The following FLNC variants were observed in gnomAD, a reference collection of about 807,000 sequenced individuals.
The protein encoded by FLNC is filamin C, also known as filamin-C.
Under a neutral mutation model 254.3 loss-of-function variants are expected in FLNC, and 91 were observed. The ratio of observed to expected loss-of-function variants is 0.36; its 90% confidence interval spans 0.30 to 0.43. The LOEUF is 0.43. FLNC is among the 20% of genes least tolerant of loss of function. The pLI is 1.00. For synonymous variants in FLNC, 1,430 were observed against 1,577.2 expected, an observed-to-expected ratio of 0.91 and a Z score of 2.21; for missense variants, 2,853 against 3,802.6, an observed-to-expected ratio of 0.75 and a Z score of 6.57.
chr7:128,835,427 G>A lies in FLNC; in HGVS notation c.454G>A (p.Asp152Asn). The change falls in exon 2 of 48, where the codon GAT (aspartate) becomes AAT (asparagine). Residue 152 changes from aspartate (D) to asparagine (N), a missense_variant. Asp to Asn is a conservative substitution (Grantham distance 23, BLOSUM62 1). Coordinates refer to ENST00000325888, the MANE Select transcript of FLNC (RefSeq NM_001458.5). The surrounding 1 kb of genome is among the most constrained non-coding windows in gnomAD (Gnocchi z 5.3). Reference sequence around the variant, plus strand: ...CTCCATGCCCATGTGGGAGGATGAAGATGATGAGGATGCCCGCAAACAGAC... The same window carrying A: ...CTCCATGCCCATGTGGGAGGATGAAAATGATGAGGATGCCCGCAAACAGAC... ...SISMPMWEDE[D>N]DEDARKQTPK... 2 of 1,614,150 alleles carry A rather than the reference G, an allele frequency of 1.2e-6. No homozygotes were observed. The highest frequency in any genetic ancestry group is 1.7e-6 in the Non-Finnish European group (2 of 1,180,044).
At chr7:128,833,033 G>C (rs537714157) in intron 1 of FLNC, among the ~76,000 whole-genome samples, 12 of 152,206 alleles carry the variant, frequency 7.9e-5, no homozygotes, top group Non-Finnish European at 1.5e-4. Context: ...CTCTTTCCAG[G>C]AGGGAAGTCA....
chr7:128,840,513 C>T (rs1485315542), intron 9 of FLNC, 35 bp from the exon 10 acceptor site: 8 of 1,613,966 alleles, frequency 5.0e-6, no homozygotes, highest in Non-Finnish European at 5.9e-6. Flanking sequence ...GGATATTGAT[C>T]TGCCTTCTTC....
chr7:128,833,223 T>C (rs1807963628), intron 1 of FLNC, among the ~76,000 whole-genome samples: 1 of 152,192 alleles, frequency 6.6e-6, no homozygotes, highest in African/African-American at 2.4e-5. Context: ...CCAGTTGCTA[T>C]TCCTTCTCCT....
rs1808555164 is a variant in FLNC at position 128,846,130 on chromosome 7, A to G, written c.3931A>G (p.Thr1311Ala). The G allele has an allele frequency of 6.2e-7, 1 of 1,613,890 alleles. No homozygotes were observed. Among genetic ancestry groups the G allele is most frequent in the Non-Finnish European group, 8.5e-7 (1 of 1,179,978 alleles). ...CTATGTGACAGACAATGGGGACGGC[A>G]CCTACCGAGTGCAGTACACCGCCTA... ...DTYVTDNGDGTYRVQYTAYEE... is the reference protein window; with the variant it reads ...DTYVTDNGDGAYRVQYTAYEE... Residue 1311 changes from threonine (T) to alanine (A), a missense_variant, in exon 22 of 48, where the codon ACC becomes GCC. Physicochemically the swap from Thr to Ala is moderately conservative, Grantham distance 58 (BLOSUM62 0). Around this residue, in one of 10 missense-constraint regions of FLNC, gnomAD observed 1,573 missense variants for 1,883.5 expected, o/e 0.84. Coordinates refer to ENST00000325888, the MANE Select transcript of FLNC (RefSeq NM_001458.5).
At chr7:128,855,134 G>T in intron 42 of FLNC, 65 bp from the exon 43 acceptor site, 2 of 1,220,726 alleles carry the variant, frequency 1.6e-6, no homozygotes, top group Non-Finnish European at 2.4e-6. Context: ...TAAGGCCAGG[G>T]TGGGGAGGCT....
chr7:128,838,675 T>C lies in FLNC; in HGVS notation c.1283T>C (p.Leu428Pro). ...QGRRDTVEVA[L>P]EDKGDSTFRC... ...CGGCGGGACACAGTGGAGGTGGCCC[T>C]GGAGGACAAGGGTGACAGCACGTTC... Residue 428 changes from leucine to proline, a missense_variant, in exon 8 of 48, where the codon CTG becomes CCG. Physicochemically the swap from Leu to Pro is moderately conservative, Grantham distance 98. This residue lies in a region of FLNC where 1,573 missense variants were observed against 1,883.5 expected (regional missense o/e 0.84). Coordinates refer to ENST00000325888, the MANE Select transcript of FLNC (RefSeq NM_001458.5). 6.2e-7 allele frequency: 1 copy of C among 1,613,028 alleles called. No homozygotes were observed. The highest frequency in any genetic ancestry group is 8.5e-7 in the Non-Finnish European group (1 of 1,179,990).
rs1563002254 is a variant in FLNC at position 128,852,657 on chromosome 7, C to T, written c.5909C>T (p.Thr1970Ile). Reference sequence around the variant, plus strand: ...TCCACGGACGTGTCACTGAAGATCACCGAGAGTGATCTGAGCCAGCTGACC... The same window carrying T: ...TCCACGGACGTGTCACTGAAGATCATCGAGAGTGATCTGAGCCAGCTGACC... ...GTSTDVSLKI[T>I]ESDLSQLTAS... Residue 1970 changes from threonine (T) to isoleucine (I), a missense_variant, in exon 36 of 48, where the codon ACC (threonine) becomes ATC (isoleucine). By Grantham distance (89) the Thr-to-Ile change is moderately conservative. This residue lies in a region of FLNC where 551 missense variants were observed against 835.0 expected (regional missense o/e 0.66). Coordinates refer to ENST00000325888, the MANE Select transcript of FLNC (RefSeq NM_001458.5). The T allele has an allele frequency of 1.9e-6, 3 of 1,613,300 alleles. No homozygotes were observed. Among genetic ancestry groups the T allele is most frequent in the Middle Eastern group, 1.6e-4 (1 of 6,062 alleles).
chr7:128,848,512 G>C (rs111827653), intron 26 of FLNC, 49 bp from the exon 27 acceptor site: 1 of 1,554,330 alleles, frequency 6.4e-7, no homozygotes, highest in Non-Finnish European at 8.9e-7. Flanking sequence ...ACCCCCCACC[G>C]CCCCGTCCAT....
At chr7:128,832,491 CA>C (rs1293573239) in intron 1 of FLNC, among the ~76,000 whole-genome samples, 4 of 152,212 alleles carry the variant, frequency 2.6e-5, no homozygotes, top group African/African-American at 9.6e-5. Flanking sequence ...TTCGGCAAGA[CA>C]TATAGGAAAC....
At chr7:128,838,582 G>T in intron 7 of FLNC, 21 bp from the exon 8 acceptor site, 1 of 1,612,526 alleles carries the variant, frequency 6.2e-7, no homozygotes, top group Non-Finnish European at 8.5e-7. Context: ...GAGTGGTGCT[G>T]ACAGCCTCTG....
chr7:128,838,829 G>A lies in FLNC; in HGVS notation c.1411+26G>A, dbSNP rs552209945. 1.4e-5 allele frequency: 22 copies of A among 1,604,720 alleles called. 1 individual carries two copies. The South Asian group carries it at 2.1e-4, about 15-fold the overall frequency. On this transcript the variant is annotated intron_variant, in intron 8 of 47. Coordinates refer to ENST00000325888, the MANE Select transcript of FLNC (RefSeq NM_001458.5). ...GTAAGGGCCCTTCACTGCTCCCCAC[G>A]GTAGCCCTTACCAAAGCCAGAGGCT...
chr7:128,847,190 T>C (rs1292190397), intron 24 of FLNC, among the ~76,000 whole-genome samples: 6 of 152,212 alleles, frequency 3.9e-5, no homozygotes, highest in Non-Finnish European at 8.8e-5. Context: ...TCACTGTGTG[T>C]CCAGAAACTC....
rs115077954 is a variant in FLNC at position 128,832,575 on chromosome 7, C to T, written c.352+1586C>T. Among the ~76,000 whole-genome samples, 526 of 152,350 alleles carry T rather than the reference C, an allele frequency of 3.5e-3. 5 individuals carry two copies. Among genetic ancestry groups the T allele is most frequent in the African/African-American group, 0.012 (497 of 41,574 alleles). On this transcript the variant is annotated intron_variant, in intron 1 of 47. Transcript: ENST00000325888. ...CTCCAGGCCTCGTCCTTCCTGAGCACACCTCTCCCCTCCCCCGTGGCGGTG... is the reference window on the plus strand; with the variant it reads ...CTCCAGGCCTCGTCCTTCCTGAGCATACCTCTCCCCTCCCCCGTGGCGGTG...
At position 128,842,275 on chromosome 7, in the gene FLNC, C is replaced by T. The variant is rs1808364808; in HGVS notation, c.2166C>T (p.Gly722=). Residue 722 remains glycine, a synonymous_variant, in exon 14 of 48, where the codon GGC becomes GGT. Coordinates refer to ENST00000325888, the MANE Select transcript of FLNC (RefSeq NM_001458.5). This position sits in a 1 kb window ranked among gnomAD's most constrained non-coding sequence, Gnocchi z 5.4. The stretch of plus-strand genomic sequence containing the variant: ...TCGACATCAAGGTGATCCCCAACGG[C>T]GACGGCACCTTCCGCTGCTCCTACG... The part of the protein sequence containing the change: ...CPIDIKVIPN[G]DGTFRCSYVP... 6.2e-7 allele frequency: 1 copy of T among 1,613,786 alleles called. No homozygotes were observed. The highest frequency in any genetic ancestry group is 8.5e-7 in the Non-Finnish European group (1 of 1,179,976).
intron 9 of FLNC, 65 bp downstream of exon 9, chr7:128,840,225 G>T: frequency 1.3e-6 from 2 of 1,587,500 alleles, no homozygotes; most frequent in South Asian, 1.1e-5. Flanking sequence ...TATGGCCAGT[G>T]GTTCTGACTC....
At chr7:128,845,445 G>A (rs1001883614) in intron 21 of FLNC, among the ~76,000 whole-genome samples, 190 bp downstream of exon 21, 2 of 152,126 alleles carry the variant, frequency 1.3e-5, no homozygotes, top group African/African-American at 2.4e-5. Flanking sequence ...GACCGGGGGT[G>A]GAGATTGGCC....
In FLNC at chr7:128,847,704, G is replaced by A. The variant is rs370827536; in HGVS notation, c.4296G>A (p.Pro1432=). The change falls in exon 25 of 48, where the codon CCG becomes CCA. Residue 1432 remains proline, a synonymous_variant. Transcript: ENST00000325888. The stretch of plus-strand genomic sequence containing the variant: ...ATGTCCTTCTCCTCACAGGGAGCCC[G>A]TTCCGCGTGCCAGTGAAGGATGTGG... The part of the protein sequence containing the change: ...TFGGRPIPGS[P]FRVPVKDVVD... 5.6e-5 allele frequency: 90 copies of A among 1,613,924 alleles called. No individual in the cohort carries two copies. The highest frequency in any genetic ancestry group is 1.9e-4 in the African/African-American group (14 of 74,938).
At chr7:128,849,677 C>G in intron 30 of FLNC, 99 bp downstream of exon 30, 1 of 1,485,602 alleles carries the variant, frequency 6.7e-7, no homozygotes, top group South Asian at 1.2e-5. Flanking sequence ...CAAGGAATCC[C>G]ACTTCTCTGA....
rs970004617 is a variant in FLNC at position 128,855,212 on chromosome 7, C to T, written c.7149C>T (p.Val2383=). Residue 2383 remains valine (V), a synonymous_variant, in exon 43 of 48, where the codon GTC becomes GTT. Coordinates refer to ENST00000325888, the MANE Select transcript of FLNC (RefSeq NM_001458.5). ...YVVQEPGDYE[V]SIKFNDEHIP... is the part of the protein sequence containing the mutation. ...CTCTCTCCCCAGGTGACTATGAGGT[C>T]TCCATCAAGTTCAATGATGAGCACA... The T allele has an allele frequency of 3.7e-6, 6 of 1,611,296 alleles. No homozygotes were observed. Among genetic ancestry groups the T allele is most frequent in the Admixed American group, 3.3e-5 (2 of 60,000 alleles).
Sources: gnomAD v4.1 joint callset for allele counts (sites outside exome capture counted in the v4.1 genomes callset) on GRCh38, gnomAD v4.1.1 for gene constraint, gnomAD v4.1.1 regional missense constraint, Gnocchi (gnomAD v3.1) non-coding constraint, MANE v1.5 for transcripts, NCBI Gene and HGNC (gene_info 2026-07-23, HGNC 2026-07-21) for gene names.